Variants in SLC8A2 observed in about 807,000 individuals in gnomAD.
SLC8A2 encodes solute carrier family 8 member A2, also known as sodium/calcium exchanger 2.
In SLC8A2, 14 loss-of-function variants were observed where a neutral mutation model predicts 70.2. The ratio of observed to expected loss-of-function variants is 0.20; its 90% CI spans 0.13 to 0.31. The LOEUF is 0.31. SLC8A2 is among the 10% of genes least tolerant of loss of function. The probability of loss-of-function intolerance (pLI) is 1.00; values close to 1 mark genes in which losing one functional copy is unlikely to be tolerated. For missense variants in SLC8A2, 779 were observed against 1,320.1 expected (o/e 0.59, Z 6.35); for synonymous variants, 575 against 594.3 (o/e 0.97, Z 0.47).
chr19:47,456,247 T>A (rs1387068650), intron 3 of SLC8A2, among the ~76,000 whole-genome samples: 2 of 152,232 alleles, frequency 1.3e-5, no homozygotes, highest in Non-Finnish European at 2.9e-5. Context: ...GTGTGAAGAC[T>A]GAGAGTTTGT....
chr19:47,449,052 T>C (rs1967204747), intron 3 of SLC8A2, among the ~76,000 whole-genome samples: 1 of 152,298 alleles, frequency 6.6e-6, no homozygotes, highest in South Asian at 2.1e-4. Context: ...TAACTGACCG[T>C]TGTGTGCCAG....
chr19:47,458,025 A>AT (rs1366680647), intron 2 of SLC8A2, among the ~76,000 whole-genome samples: 3 of 150,850 alleles, frequency 2.0e-5, no homozygotes, highest in East Asian at 3.9e-4. Context: ...TAAGTTTTGT[A>AT]TTTTTTTTAG....
At chr19:47,457,852 T>A (rs1326461470) in intron 2 of SLC8A2, among the ~76,000 whole-genome samples, 11 of 151,436 alleles carry the variant, frequency 7.3e-5, no homozygotes, top group Non-Finnish European at 1.5e-4. Context: ...TTTTTTTTTT[T>A]ATTTGAGACA....
Position 47,465,689 on chromosome 19 carries a change from C to T in SLC8A2, c.675+40G>A, listed in dbSNP as rs1353687410. On this transcript the variant is annotated intron_variant, in intron 2 of 9. Coordinates refer to ENST00000236877, the MANE Select transcript of SLC8A2 (RefSeq NM_015063.3). This position sits in a 1 kb window ranked among gnomAD's most constrained non-coding sequence, Gnocchi z 5.5. ...AGAGCACCTCTCTGGATTTTGCAGA[C>T]ACACATGCACCAAGAAAGCATCTAT... The T allele has an allele frequency of 3.3e-6, 5 of 1,516,910 alleles. No homozygotes were observed. The East Asian group carries it at 1.2e-4, about 35-fold the overall frequency. The allele number at this position is 1,516,910 out of a possible 1,614,324, so 94.0% of individuals were successfully genotyped here.
chr19:47,441,377 A>T lies in SLC8A2; in HGVS notation c.1827T>A (p.Ile609=). The T allele has an allele frequency of 6.2e-7, 1 of 1,613,992 alleles. No homozygotes were observed. Among genetic ancestry groups the T allele is most frequent in the Middle Eastern group, 1.7e-4 (1 of 6,060 alleles). The change falls in exon 5 of 10, where the codon ATT becomes ATA. Residue 609 remains isoleucine (I), a synonymous_variant. Transcript: ENST00000236877. The part of the protein sequence containing the change: ...EEYEKKDNFF[I]ELGQPQWLKR... ...TAAGCCACTGGGGCTGGCCCAGCTC[A>T]ATGAAGAAATTATCCTTTTTCTCAT...
At chr19:47,451,090 C>A (rs1478183553) in intron 3 of SLC8A2, among the ~76,000 whole-genome samples, 1 of 149,476 alleles carries the variant, frequency 6.7e-6, no homozygotes, top group Non-Finnish European at 1.5e-5. Flanking sequence ...CTCACTGCAA[C>A]CTCCGCCTCT....
rs865800348 is a variant in SLC8A2 at position 47,465,583 on chromosome 19, T to C, written c.675+146A>G. 1 of 723,168 alleles carries C rather than the reference T, an allele frequency of 1.4e-6. No individual in the cohort carries two copies. The highest frequency in any genetic ancestry group is 1.8e-5 in the African/African-American group (1 of 56,110). The allele number at this position is 723,168 out of a possible 1,614,324, so 44.8% of individuals were successfully genotyped here. A position where few individuals can be genotyped will look rare whatever the true frequency, so the allele number is the denominator to read the frequency against. ...GGCTCAATTCCCTTGTGTAGTCTGGTGACCTGCACAACCGTACTTGGCAGC... is the reference window on the plus strand; with the variant it reads ...GGCTCAATTCCCTTGTGTAGTCTGGCGACCTGCACAACCGTACTTGGCAGC... On this transcript the variant is annotated intron_variant, in intron 2 of 9. Coordinates refer to ENST00000236877, the MANE Select transcript of SLC8A2 (RefSeq NM_015063.3). This position sits in a 1 kb window ranked among gnomAD's most constrained non-coding sequence, Gnocchi z 5.5.
chr19:47,444,307 C>T (rs1182975657), intron 4 of SLC8A2, among the ~76,000 whole-genome samples: 1 of 152,092 alleles, frequency 6.6e-6, no homozygotes, highest in South Asian at 2.1e-4. Context: ...GGCAGTCATT[C>T]AAAAGACGCA....
At position 47,432,507 on chromosome 19, in the gene SLC8A2, C is replaced by A; in HGVS notation, c.2111-62G>T. 10 of 1,474,504 alleles carry A rather than the reference C, an allele frequency of 6.8e-6. No homozygotes were observed. The highest frequency in any genetic ancestry group is 7.2e-6 in the Non-Finnish European group (8 of 1,106,206). 91.3% of individuals were successfully genotyped at this position (1,474,504 alleles called of 1,614,324 possible). On this transcript the variant is annotated intron_variant, in intron 8 of 9. Transcript: ENST00000236877. This position sits in a 1 kb window ranked among gnomAD's most constrained non-coding sequence, Gnocchi z 6.2. ...ACTTCCTTCCTTGCCTACAGAGGCC[C>A]CATTTTGTCTAACTTCCTGACAGCA...
chr19:47,432,087 C>A lies in SLC8A2; in HGVS notation c.2389+80G>T. Reference sequence around the variant, plus strand: ...CATGGGCGCTGTGTGACTCCACCCACCTCATTTTGGCAGGATCCTGTGTTG... The same window carrying A: ...CATGGGCGCTGTGTGACTCCACCCAACTCATTTTGGCAGGATCCTGTGTTG... On this transcript the variant is annotated intron_variant, in intron 9 of 9. Transcript: ENST00000236877. The surrounding 1 kb of genome is among the most constrained non-coding windows in gnomAD (Gnocchi z 6.2). The A allele has an allele frequency of 7.3e-7, 1 of 1,365,916 alleles. No homozygotes were observed. The highest frequency in any genetic ancestry group is 1.0e-6 in the Non-Finnish European group (1 of 995,926). The allele number at this position is 1,365,916 out of a possible 1,614,324, so 84.6% of individuals were successfully genotyped here.
intron 7 of SLC8A2, 118 bp from the exon 8 acceptor site, chr19:47,437,679 C>G (rs1356676398): frequency 8.7e-7 from 1 of 1,152,184 alleles, no homozygotes; most frequent in Admixed American, 1.8e-5. Context: ...CTTTCCACAC[C>G]CCCGTTCTGA....
At chr19:47,462,590 T>C (rs947539806) in intron 2 of SLC8A2, among the ~76,000 whole-genome samples, 3 of 148,704 alleles carry the variant, frequency 2.0e-5, no homozygotes, top group East Asian at 2.0e-4. Context: ...AAATTTCTTT[T>C]TTTTTTTTTT....
At chr19:47,445,755 T>A (rs1005835342) in intron 4 of SLC8A2, among the ~76,000 whole-genome samples, 8 of 151,830 alleles carry the variant, frequency 5.3e-5, no homozygotes, top group Admixed American at 3.9e-4. Flanking sequence ...GACAGGGCCG[T>A]AAGGTTGCAG....
chr19:47,435,351 C>T (rs1368394402), intron 8 of SLC8A2, among the ~76,000 whole-genome samples: 1 of 152,158 alleles, frequency 6.6e-6, no homozygotes, highest in Non-Finnish European at 1.5e-5. Context: ...TATAAACCCA[C>T]AGCACGATGT....
At chr19:47,461,955 G>A (rs1199234322) in intron 2 of SLC8A2, among the ~76,000 whole-genome samples, 1 of 152,170 alleles carries the variant, frequency 6.6e-6, no homozygotes, top group Non-Finnish European at 1.5e-5. Flanking sequence ...TGGAAATCTG[G>A]GGGTATTTAT....
At chr19:47,441,622 A>C (rs1327485603) in intron 4 of SLC8A2, among the ~76,000 whole-genome samples, 182 bp from the exon 5 acceptor site, 3 of 152,190 alleles carry the variant, frequency 2.0e-5, no homozygotes, top group Non-Finnish European at 4.4e-5. Context: ...CCCATTTGAC[A>C]GAAACAAAAC....
intron 9 of SLC8A2, among the ~76,000 whole-genome samples, chr19:47,431,669 AAAAAAAAAAAAC>A (rs990517533): frequency 5.1e-5 from 7 of 138,134 alleles, no homozygotes; most frequent in East Asian, 4.5e-4. Context: ...AAAAAAAAAA[AAAAAAAAAAAAC>A]AAAACCCAAA....
At chr19:47,452,512 G>A (rs1967257251) in intron 3 of SLC8A2, among the ~76,000 whole-genome samples, 1 of 143,442 alleles carries the variant, frequency 7.0e-6, no homozygotes, top group African/African-American at 2.6e-5. Flanking sequence ...CTCCCAGGCT[G>A]GAATGCAGTG....
Position 47,447,803 on chromosome 19 carries a change from G to C in SLC8A2, c.1763+6C>G. On this transcript the variant is annotated splice_donor_region_variant and intron_variant, in intron 4 of 9. Coordinates refer to ENST00000236877, the MANE Select transcript of SLC8A2 (RefSeq NM_015063.3). This position sits in a 1 kb window ranked among gnomAD's most constrained non-coding sequence, Gnocchi z 5.1. ...CCCCTCTCCGGGCCGCCTCGGGCGTGCTCACATGGTCTCGTCGTCGCCAAA... is the reference window on the plus strand; with the variant it reads ...CCCCTCTCCGGGCCGCCTCGGGCGTCCTCACATGGTCTCGTCGTCGCCAAA... The C allele has an allele frequency of 6.3e-7, 1 of 1,582,778 alleles. No individual in the cohort carries two copies. The highest frequency in any genetic ancestry group is 1.1e-5 in the South Asian group (1 of 88,648).
Sources: allele counts gnomAD v4.1 joint callset (sites outside exome capture counted in the v4.1 genomes callset), GRCh38; gene constraint gnomAD v4.1.1; non-coding constraint Gnocchi (gnomAD v3.1); transcripts MANE v1.5; gene names NCBI Gene and HGNC (gene_info 2026-07-23, HGNC 2026-07-21).